Variants in ABLIM1 observed in about 807,000 individuals in gnomAD.
ABLIM1 encodes actin-binding LIM protein 1.
A neutral mutation model predicts 107.0 loss-of-function variants in ABLIM1; 40 were observed. The observed-to-expected ratio is 0.37, with a 90% CI of 0.29 to 0.49. The LOEUF (loss-of-function observed/expected upper bound fraction) is 0.49, where lower values mean the gene tolerates loss of function less well. ABLIM1 is among the 20% of genes least tolerant of loss of function. The probability of loss-of-function intolerance (pLI) is 0.97; values close to 1 mark genes in which losing one functional copy is unlikely to be tolerated. For synonymous variants in ABLIM1, 357 were observed against 357.3 expected, an observed-to-expected ratio of 1.00 and a Z score of 0.01; for missense variants, 857 against 1,008.5, an observed-to-expected ratio of 0.85 and a Z score of 2.04.
chr10:114,667,879 C>G (rs771031706), intron 1 of ABLIM1, among the ~76,000 whole-genome samples: 2 of 152,240 alleles, frequency 1.3e-5, no homozygotes, highest in Admixed American at 6.5e-5. Context: ...AATCACTTCT[C>G]TCCAGTGTGT....
chr10:114,780,642 G>C, the ABLIM1 span, among the ~76,000 whole-genome samples: 1 of 152,136 alleles, frequency 6.6e-6, no homozygotes, highest in Non-Finnish European at 1.5e-5. Context: ...TGAAACTTCA[G>C]CAGGAATTAT....
chr10:114,638,488 G>A (rs1591693055), intron 1 of ABLIM1, among the ~76,000 whole-genome samples: 2 of 152,176 alleles, frequency 1.3e-5, no homozygotes, highest in Non-Finnish European at 2.9e-5. Flanking sequence ...ACAACTGGAT[G>A]AAGTACATAT....
intron 1 of ABLIM1, among the ~76,000 whole-genome samples, chr10:114,748,137 C>G (rs1239548683): frequency 6.6e-6 from 1 of 152,040 alleles, no homozygotes; most frequent in Non-Finnish European, 1.5e-5. Flanking sequence ...ACCATAAGAA[C>G]CCCTGTGTTT....
rs138330657 is a variant in ABLIM1 at position 114,435,431 on chromosome 10, C to T, written c.*829G>A. 6.6e-6 allele frequency: 1 copy of T among 152,308 alleles called. No homozygotes were observed. Among genetic ancestry groups the T allele is most frequent in the African/African-American group, 2.4e-5 (1 of 41,576 alleles). The allele number at this position is 152,308 out of a possible 1,614,324, so 9.4% of individuals were successfully genotyped here. A position where few individuals can be genotyped will look rare whatever the true frequency, so the allele number is the denominator to read the frequency against. Reference sequence around the variant, plus strand: ...CCTAATGGCATGCCACTGGGCCAATCTGGGGGCAATTTGTGTTTTTCCTTT... The same window carrying T: ...CCTAATGGCATGCCACTGGGCCAATTTGGGGGCAATTTGTGTTTTTCCTTT... On this transcript the variant is annotated 3_prime_UTR_variant, in exon 23 of 23. Transcript: ENST00000533213.
chr10:114,774,272 G>A, the ABLIM1 span, among the ~76,000 whole-genome samples: 326 of 152,288 alleles, frequency 2.1e-3, 1 homozygote, highest in African/African-American at 7.6e-3. Flanking sequence ...CCAGGACAGT[G>A]GTTCTTGAGA....
chr10:114,788,780 A>G, the ABLIM1 span, among the ~76,000 whole-genome samples: 1 of 151,918 alleles, frequency 6.6e-6, no homozygotes, highest in African/African-American at 2.4e-5. Context: ...TAGGCTTGCC[A>G]GATAAAATAC....
At chr10:114,588,138 T>C (rs950022023) in intron 2 of ABLIM1, among the ~76,000 whole-genome samples, 1 of 152,144 alleles carries the variant, frequency 6.6e-6, no homozygotes, top group Non-Finnish European at 1.5e-5. Context: ...TCATTGATGA[T>C]CATTTGATTT....
chr10:114,669,593 C>T (rs2080166718), intron 1 of ABLIM1, among the ~76,000 whole-genome samples: 2 of 152,218 alleles, frequency 1.3e-5, no homozygotes, highest in African/African-American at 4.8e-5. Flanking sequence ...ATTTATTGAG[C>T]ATTTCTTTGT....
chr10:114,600,840 C>A (rs1031955295), intron 2 of ABLIM1, among the ~76,000 whole-genome samples: 10 of 152,118 alleles, frequency 6.6e-5, no homozygotes, highest in African/African-American at 2.4e-4. Context: ...ACACACAAAA[C>A]CATTCTTCTT....
intron 4 of ABLIM1, among the ~76,000 whole-genome samples, chr10:114,566,915 A>G (rs969995459): frequency 2.6e-5 from 4 of 152,134 alleles, no homozygotes; most frequent in Non-Finnish European, 5.9e-5. Flanking sequence ...CAGGTGTGGT[A>G]GTGCATGCCT....
intron 1 of ABLIM1, among the ~76,000 whole-genome samples, chr10:114,720,330 A>T (rs984229650): frequency 3.9e-5 from 6 of 152,158 alleles, no homozygotes; most frequent in Admixed American, 3.9e-4. Context: ...GTTGCTATGA[A>T]CATACATGTA....
In ABLIM1 at chr10:114,545,947, A is replaced by C. The variant is rs369958810; in HGVS notation, c.801-849T>G. On this transcript the variant is annotated intron_variant, in intron 5 of 22. Transcript: ENST00000533213. ...CCCCATCTCAAAAAAAAAAAACAAA[A>C]AAAAAAAACAAGAACACTGAGCCCG... 5.9e-4 allele frequency among the ~76,000 whole-genome samples: 89 copies of C among 149,946 alleles called. 1 individual carries two copies. Among genetic ancestry groups the C allele is most frequent in the Middle Eastern group, 3.4e-3 (1 of 290 alleles).
At chr10:114,627,169 C>A (rs1177052514) in intron 1 of ABLIM1, among the ~76,000 whole-genome samples, 1 of 152,202 alleles carries the variant, frequency 6.6e-6, no homozygotes, top group Non-Finnish European at 1.5e-5. Flanking sequence ...GAATCCTTCT[C>A]ATTACAATCA....
chr10:114,607,366 G>A (rs1200954111), intron 1 of ABLIM1, among the ~76,000 whole-genome samples: 3 of 151,944 alleles, frequency 2.0e-5, no homozygotes, highest in Middle Eastern at 3.2e-3. Flanking sequence ...GGCCTCTGGC[G>A]TTTTTCTCCA....
chr10:114,631,889 T>G, intron 1 of ABLIM1: 1 of 1,304,070 alleles, frequency 7.7e-7, no homozygotes, highest in Non-Finnish European at 1.0e-6. Flanking sequence ...CAGTGATCGA[T>G]ATTTATAATT....
At position 114,707,089 on chromosome 10, in the gene ABLIM1, AT is replaced by A. The variant is rs2081438901; in HGVS notation, c.-213+60971del. ...AGAAACAGGTAAAATTAATTTTAAG[AT>A]TTTTAAGATTTTTATTTAACCTAAT... On this transcript the variant is annotated intron_variant, in intron 1 of 15. Coordinates refer to the ABLIM1 transcript ENST00000651092. This position sits in a 1 kb window ranked among gnomAD's most constrained non-coding sequence, Gnocchi z 4.1. Among the ~76,000 whole-genome samples the A allele has an allele frequency of 6.6e-6, 1 of 152,164 alleles. No homozygotes were observed. The highest frequency in any genetic ancestry group is 2.4e-5 in the African/African-American group (1 of 41,420).
the ABLIM1 span, among the ~76,000 whole-genome samples, chr10:114,798,564 C>CCCA: frequency 2.6e-4 from 39 of 149,072 alleles, 1 homozygote; most frequent in Middle Eastern, 3.2e-3. Context: ...AGACCCCCCC[C>CCCA]CCATGTCTAC....
At chr10:114,568,408 T>C (rs1239284678) in intron 4 of ABLIM1, among the ~76,000 whole-genome samples, 1 of 152,150 alleles carries the variant, frequency 6.6e-6, no homozygotes, top group South Asian at 2.1e-4. Context: ...ACATTAAAAA[T>C]TTTTAAAAAG....
At chr10:114,720,090 T>C (rs1256848046) in intron 1 of ABLIM1, among the ~76,000 whole-genome samples, 1 of 152,196 alleles carries the variant, frequency 6.6e-6, no homozygotes, top group East Asian at 1.9e-4. Flanking sequence ...GCTCTCATTT[T>C]TCAGCTCCCA....
Sources: allele counts gnomAD v4.1 joint callset (sites outside exome capture counted in the v4.1 genomes callset), GRCh38; gene constraint gnomAD v4.1.1; non-coding constraint Gnocchi (gnomAD v3.1); transcripts MANE v1.5; gene names NCBI Gene and HGNC (gene_info 2026-07-23, HGNC 2026-07-21).